Variants in ACTR3C observed in about 807,000 individuals in gnomAD.
ACTR3C encodes the protein actin-related protein 3C.
A neutral mutation model predicts 26.3 loss-of-function variants in ACTR3C; 18 were observed. The ratio of observed to expected loss-of-function variants is 0.68; its 90% CI spans 0.47 to 1.01. The LOEUF (loss-of-function observed/expected upper bound fraction) is 1.01. Among genes scored for constraint, ACTR3C ranks in the 50% least tolerant of loss-of-function variants. The probability of loss-of-function intolerance (pLI) is 0.00; values close to 1 mark genes in which losing one functional copy is unlikely to be tolerated. For missense variants in ACTR3C, 184 were observed against 250.7 expected (o/e 0.73, Z 1.80); for synonymous variants, 55 against 94.5 (o/e 0.58, Z 2.42).
chr7:150,171,206 C>T, the ACTR3C span, among the ~76,000 whole-genome samples: 3 of 143,734 alleles, frequency 2.1e-5, no homozygotes, highest in Non-Finnish European at 4.4e-5. Context: ...CCACAGTAGA[C>T]CCAATTCTGG....
chr7:150,131,223 A>G, the ACTR3C span, among the ~76,000 whole-genome samples: 661 of 152,144 alleles, frequency 4.3e-3, 5 homozygotes, highest in African/African-American at 0.015. Flanking sequence ...ATGAAGGAAA[A>G]CAATCTCAGG....
chr7:150,255,447 C>G (rs1833151418), intron 6 of ACTR3C, among the ~76,000 whole-genome samples: 1 of 151,988 alleles, frequency 6.6e-6, no homozygotes. Flanking sequence ...TCTGTGGGGA[C>G]TGCTGTGTAT....
At chr7:150,319,458 C>T (rs947913375) in intron 1 of ACTR3C, among the ~76,000 whole-genome samples, 3 of 152,154 alleles carry the variant, frequency 2.0e-5, no homozygotes, top group Admixed American at 6.5e-5. Context: ...TTGCCTGCCT[C>T]GGCCTCCCAA....
intron 1 of ACTR3C, among the ~76,000 whole-genome samples, chr7:150,298,583 G>A (rs1474732854): frequency 6.9e-6 from 1 of 145,472 alleles, no homozygotes; most frequent in East Asian, 1.9e-4. Context: ...ATTAAAGGCA[G>A]TCTAAATAAT....
chr7:149,973,060 G>A, the ACTR3C span, among the ~76,000 whole-genome samples: 8 of 152,062 alleles, frequency 5.3e-5, no homozygotes, highest in Non-Finnish European at 1.2e-4. Flanking sequence ...GGTAATCATA[G>A]TGAGTGTCCC....
At chr7:149,921,992 C>T in the ACTR3C span, among the ~76,000 whole-genome samples, 4 of 150,564 alleles carry the variant, frequency 2.7e-5, no homozygotes, top group African/African-American at 9.7e-5. Context: ...TGTGCGTAGT[C>T]CCATGATGGG....
intron 1 of ACTR3C, 150 bp downstream of exon 1, chr7:150,323,319 T>G (rs933127989): frequency 1.1e-5 from 3 of 267,478 alleles, no homozygotes; most frequent in African/African-American, 2.4e-5. Flanking sequence ...GAGCGCCCAC[T>G]ACGGCCTTTG....
chr7:150,069,699 A>C, the ACTR3C span, among the ~76,000 whole-genome samples: 19 of 152,322 alleles, frequency 1.2e-4, no homozygotes, highest in South Asian at 3.5e-3. Flanking sequence ...ATGGATGCTT[A>C]CTAGGCATTC....
At chr7:149,886,221 G>T in the ACTR3C span, among the ~76,000 whole-genome samples, 1 of 152,178 alleles carries the variant, frequency 6.6e-6, no homozygotes, top group Admixed American at 6.5e-5. Flanking sequence ...TGCACTTTGC[G>T]GAAGAGAAGG....
chr7:150,231,113 T>A, the ACTR3C span, among the ~76,000 whole-genome samples: 5 of 152,228 alleles, frequency 3.3e-5, no homozygotes, highest in African/African-American at 1.2e-4. Flanking sequence ...CATTGCATCC[T>A]ACAAATTTTG....
intron 3 of ACTR3C, among the ~76,000 whole-genome samples, chr7:150,291,341 A>G (rs1282098389): frequency 1.3e-5 from 2 of 152,200 alleles, no homozygotes; most frequent in Non-Finnish European, 2.9e-5. Flanking sequence ...AGGCAGGAGA[A>G]TCGCTTGAAC....
At chr7:149,993,422 C>G in the ACTR3C span, among the ~76,000 whole-genome samples, 6 of 152,280 alleles carry the variant, frequency 3.9e-5, no homozygotes, top group East Asian at 1.2e-3. Flanking sequence ...CAATGAGGCC[C>G]TCGCTTAGAG....
intron 6 of ACTR3C, among the ~76,000 whole-genome samples, chr7:150,273,852 C>A (rs983248745): frequency 4.2e-4 from 64 of 151,940 alleles, no homozygotes; most frequent in African/African-American, 1.5e-4. Flanking sequence ...CACCACCTCA[C>A]CAGCCTGGCA....
chr7:150,011,387 C>T, the ACTR3C span, among the ~76,000 whole-genome samples: 601 of 152,114 alleles, frequency 4.0e-3, 4 homozygotes, highest in Non-Finnish European at 5.0e-3. Flanking sequence ...GAGTTCAAGA[C>T]GAGCCTGGCC....
chr7:150,112,861 C>T, the ACTR3C span, among the ~76,000 whole-genome samples: 1 of 152,124 alleles, frequency 6.6e-6, no homozygotes, highest in Non-Finnish European at 1.5e-5. Context: ...GACTCTGTTT[C>T]CCCTCCTCCA....
the ACTR3C span, among the ~76,000 whole-genome samples, chr7:150,219,265 T>C: frequency 0.11 from 13,698 of 123,830 alleles, 1,548 homozygotes; most frequent in African/African-American, 0.27. Flanking sequence ...AGCTAATAAA[T>C]ATATATGCCC....
intron 1 of ACTR3C, among the ~76,000 whole-genome samples, chr7:150,314,254 C>T (rs758203124): frequency 3.9e-5 from 6 of 152,232 alleles, no homozygotes; most frequent in Non-Finnish European, 8.8e-5. Context: ...GAACAGTTGT[C>T]AGCCTTGTTC....
intron 2 of ACTR3C, among the ~76,000 whole-genome samples, chr7:150,293,837 G>A (rs1227034981): frequency 6.6e-6 from 1 of 152,226 alleles, no homozygotes; most frequent in African/African-American, 2.4e-5. Context: ...TCGGGAGACT[G>A]AGGTGGGAGG....
chr7:150,091,856 C>T, the ACTR3C span, among the ~76,000 whole-genome samples: 1 of 150,260 alleles, frequency 6.7e-6, no homozygotes, highest in Non-Finnish European at 1.5e-5. Flanking sequence ...GGCGTGGTGG[C>T]GGGCGCCTGT....
Sources: gnomAD v4.1 joint callset for allele counts (sites outside exome capture counted in the v4.1 genomes callset) on GRCh38, gnomAD v4.1.1 for gene constraint, MANE v1.5 for transcripts, NCBI Gene and HGNC (gene_info 2026-07-23, HGNC 2026-07-21) for gene names.